Variants in SFRP4 observed in about 807,000 individuals in gnomAD.
SFRP4 encodes secreted frizzled-related protein 4.
In SFRP4, 25 loss-of-function variants were observed where a neutral mutation model predicts 36.3. The ratio of observed to expected loss-of-function variants is 0.69; its 90% CI spans 0.50 to 0.96. The LOEUF (loss-of-function observed/expected upper bound fraction) is 0.96, where lower values mean the gene tolerates loss of function less well. Among genes scored for constraint, SFRP4 ranks in the 40% least tolerant of loss-of-function variants. The pLI, the probability that SFRP4 is intolerant of heterozygous loss-of-function variation, is 0.00. For missense variants in SFRP4, 487 were observed against 459.6 expected (o/e 1.06, Z -0.54); for synonymous variants, 182 against 168.8 (o/e 1.08, Z -0.60).
chr7:37,908,105 T>C (rs1785425939), intron 5 of SFRP4, among the ~76,000 whole-genome samples: 1 of 152,182 alleles, frequency 6.6e-6, no homozygotes, highest in Non-Finnish European at 1.5e-5. Context: ...GCTACTAGCA[T>C]TAGTTTACCC....
intron 5 of SFRP4, among the ~76,000 whole-genome samples, chr7:37,908,360 C>T (rs1175272155): frequency 6.6e-6 from 1 of 152,148 alleles, no homozygotes; most frequent in African/African-American, 2.4e-5. Flanking sequence ...CGCAGATGTG[C>T]CTGCTTGGCT....
At chr7:37,912,361 G>GA in intron 3 of SFRP4, 44 bp from the exon 4 acceptor site, 1 of 1,491,754 alleles carries the variant, frequency 6.7e-7, no homozygotes, top group South Asian at 1.1e-5. Flanking sequence ...AGGTTTTGGG[G>GA]AAAAACTAGG....
At position 37,916,379 on chromosome 7, in the gene SFRP4, G is replaced by C; in HGVS notation, c.159C>G (p.Asn53Lys). ...CGTACTGCTCGATGGCCAGGATGGC[G>C]TTCTCCTGCGTGCTGTGGTGCAGGT... is the stretch of plus-strand genomic sequence containing the variant. ...PNHLHHSTQE[N>K]AILAIEQYEE... is the part of the protein sequence containing the mutation. Residue 53 changes from asparagine (N) to lysine (K), a missense_variant, in exon 1 of 6, where the codon AAC becomes AAG. Transcript: ENST00000436072. The surrounding 1 kb of genome is among the most constrained non-coding windows in gnomAD (Gnocchi z 4.1). 6.2e-7 allele frequency: 1 copy of C among 1,614,186 alleles called. No individual in the cohort carries two copies. The highest frequency in any genetic ancestry group is 8.5e-7 in the Non-Finnish European group (1 of 1,180,022).
At chr7:37,908,226 A>G (rs1259804071) in intron 5 of SFRP4, among the ~76,000 whole-genome samples, 2 of 152,214 alleles carry the variant, frequency 1.3e-5, no homozygotes, top group Non-Finnish European at 2.9e-5. Context: ...ATCCAGAACC[A>G]TTGGGAATTG....
In SFRP4 at chr7:37,916,219, C is replaced by T. The variant is rs1785573488; in HGVS notation, c.319G>A (p.Asp107Asn). ...CKSVCQRARDDCEPLMKMYNH... is the reference protein window; with the variant it reads ...CKSVCQRARDNCEPLMKMYNH... ...TACATCTTCATGAGGGGCTCGCAGT[C>T]GTCGCGCGCGCGTTGGCACACCGAC... is the stretch of plus-strand genomic sequence containing the variant. The change falls in exon 1 of 6, where the codon GAC becomes AAC. Residue 107 changes from aspartate to asparagine, a missense_variant. Physicochemically the swap from Asp to Asn is conservative, Grantham distance 23. Coordinates refer to ENST00000436072, the MANE Select transcript of SFRP4 (RefSeq NM_003014.4). The surrounding 1 kb of genome is among the most constrained non-coding windows in gnomAD (Gnocchi z 4.1). 1 of 1,614,154 alleles carries T rather than the reference C, an allele frequency of 6.2e-7. No individual in the cohort carries two copies. Among genetic ancestry groups the T allele is most frequent in the Non-Finnish European group, 8.5e-7 (1 of 1,180,036 alleles).
At position 37,907,636 on chromosome 7, in the gene SFRP4, C is replaced by T. The variant is rs568754305; in HGVS notation, c.884G>A (p.Arg295Gln). ...IQWEERLQEQRRTVQDKKKTA... is the reference protein window; with the variant it reads ...IQWEERLQEQQRTVQDKKKTA... The stretch of plus-strand genomic sequence containing the variant: ...TTTCTTCTTGTCCTGAACTGTTCTC[C>T]GCTGTTCCTGCAGCCTCTCTTCCCA... The change falls in exon 6 of 6, where the codon CGG becomes CAG. Residue 295 changes from arginine to glutamine, a missense_variant. Coordinates refer to ENST00000436072, the MANE Select transcript of SFRP4 (RefSeq NM_003014.4). The T allele has an allele frequency of 1.7e-5, 27 of 1,612,010 alleles. No individual in the cohort carries two copies. Among genetic ancestry groups the T allele is most frequent in the Middle Eastern group, 3.5e-4 (2 of 5,796 alleles).
chr7:37,914,172 A>C, intron 3 of SFRP4, 41 bp downstream of exon 3: 1 of 1,478,728 alleles, frequency 6.8e-7, no homozygotes, highest in East Asian at 2.3e-5. Context: ...CTTTGTAATG[A>C]ACCAAGTCTC....
Position 37,906,030 on chromosome 7 carries a change from A to T in SFRP4, c.*1449T>A, listed in dbSNP as rs1338270898. 1 of 152,172 alleles carries T rather than the reference A, an allele frequency of 6.6e-6. No homozygotes were observed. Among genetic ancestry groups the T allele is most frequent in the African/African-American group, 2.4e-5 (1 of 41,456 alleles). The allele number at this position is 152,172 out of a possible 1,614,324, so 9.4% of individuals were successfully genotyped here. A position where few individuals can be genotyped will look rare whatever the true frequency, so the allele number is the denominator to read the frequency against. The stretch of plus-strand genomic sequence containing the variant: ...TTGAGTAATGCATACTATGGAATAT[A>T]ACACAGCTGTTAGAAATGAGATGGT... On this transcript the variant is annotated 3_prime_UTR_variant, in exon 6 of 6. Transcript: ENST00000436072.
rs762230320 is a variant in SFRP4, at chr7:37,914,286, AG to A, written c.527-9del. 1 of 1,614,014 alleles carries A rather than the reference AG, an allele frequency of 6.2e-7. No individual in the cohort carries two copies. Among genetic ancestry groups the A allele is most frequent in the Non-Finnish European group, 8.5e-7 (1 of 1,179,824 alleles). Reference sequence around the variant, plus strand: ...TTTTACACTTGCACCGATCTAAAAAAGGCAGAAGAGGCAGAAAGTTGGAAAA... The same window carrying A: ...TTTTACACTTGCACCGATCTAAAAAAGCAGAAGAGGCAGAAAGTTGGAAAA... On this transcript the variant is annotated splice_polypyrimidine_tract_variant and intron_variant, in intron 2 of 5. Transcript: ENST00000436072.
chr7:37,914,203 G>A lies in SFRP4; in HGVS notation c.592+10C>T. The A allele has an allele frequency of 1.9e-6, 3 of 1,610,576 alleles. No individual in the cohort carries two copies. Among genetic ancestry groups the A allele is most frequent in the Non-Finnish European group, 2.5e-6 (3 of 1,176,776 alleles). On this transcript the variant is annotated intron_variant, in intron 3 of 5. Transcript: ENST00000436072. The stretch of plus-strand genomic sequence containing the variant: ...GTCTCAAAAGTAAATGGCTTTAACA[G>A]ACGACTTACCATAGCTGTAGTTTTT...
Position 37,906,653 on chromosome 7 carries a change from A to G in SFRP4, c.*826T>C, listed in dbSNP as rs1184760257. ...GACATACCTCTCTTGTGGGTATAAA[A>G]TACTTGAGCATTAGCCAACTAATTA... On this transcript the variant is annotated 3_prime_UTR_variant, in exon 6 of 6. Coordinates refer to ENST00000436072, the MANE Select transcript of SFRP4 (RefSeq NM_003014.4). The G allele has an allele frequency of 2.0e-5, 3 of 152,162 alleles. No individual in the cohort carries two copies. The highest frequency in any genetic ancestry group is 4.4e-5 in the Non-Finnish European group (3 of 68,006). The allele number at this position is 152,162 out of a possible 1,614,324, so 9.4% of individuals were successfully genotyped here. A position where few individuals can be genotyped will look rare whatever the true frequency, so the allele number is the denominator to read the frequency against.
At chr7:37,915,941 C>T (rs1364754694) in intron 1 of SFRP4, 152 bp downstream of exon 1, 7 of 1,244,578 alleles carry the variant, frequency 5.6e-6, no homozygotes, top group Non-Finnish European at 7.6e-6. Context: ...AGAAACCAGA[C>T]TTTTTCTGAA....
rs1785415707 is a variant in SFRP4, at chr7:37,907,538, G to T, written c.982C>A (p.Pro328Thr). ...GKPPAPKPAS[P>T]KKNIKTRSAQ... ...CTCCTAGTTTTAATGTTCTTCTTGG[G>T]ACTGGCTGGTTTGGGAGCAGGAGGC... Residue 328 changes from proline (P) to threonine (T), a missense_variant, in exon 6 of 6, where the codon CCC becomes ACC. Transcript: ENST00000436072. 1 of 1,613,732 alleles carries T rather than the reference G, an allele frequency of 6.2e-7. No individual in the cohort carries two copies. Among genetic ancestry groups the T allele is most frequent in the South Asian group, 1.1e-5 (1 of 91,050 alleles).
chr7:37,914,314 G>T, intron 2 of SFRP4, 36 bp from the exon 3 acceptor site: 2 of 1,612,574 alleles, frequency 1.2e-6, no homozygotes, highest in Non-Finnish European at 1.7e-6. Flanking sequence ...GTTGGAAAAA[G>T]AACAGAAATC....
At chr7:37,908,700 C>G (rs1411578008) in intron 5 of SFRP4, among the ~76,000 whole-genome samples, 1 of 144,952 alleles carries the variant, frequency 6.9e-6, no homozygotes, top group Non-Finnish European at 1.5e-5. Flanking sequence ...GTCCTGGAAA[C>G]CAGATAACCA....
rs777528525 is a variant in SFRP4 at position 37,907,210 on chromosome 7, G to T, written c.*269C>A. ...CTACTCTTCTAGAGTATGCACACAG[G>T]TTACTCTGAATGCAATGCAATAAGC... is the stretch of plus-strand genomic sequence containing the variant. On this transcript the variant is annotated 3_prime_UTR_variant, in exon 6 of 6. Transcript: ENST00000436072. 5.7e-5 allele frequency: 19 copies of T among 335,580 alleles called. No homozygotes were observed. The highest frequency in any genetic ancestry group is 1.6e-5 in the Non-Finnish European group (3 of 186,214). The allele number at this position is 335,580 out of a possible 1,614,324, so 20.8% of individuals were successfully genotyped here.
Position 37,916,319 on chromosome 7 carries a change from C to G in SFRP4, c.219G>C (p.Leu73=). 1 of 1,614,242 alleles carries G rather than the reference C, an allele frequency of 6.2e-7. No homozygotes were observed. Among genetic ancestry groups the G allele is most frequent in the Non-Finnish European group, 8.5e-7 (1 of 1,180,042 alleles). Residue 73 remains leucine (L), a synonymous_variant, in exon 1 of 6, where the codon CTG becomes CTC. Transcript: ENST00000436072. The surrounding 1 kb of genome is among the most constrained non-coding windows in gnomAD (Gnocchi z 4.1). Reference sequence around the variant, plus strand: ...CGTACATGGCACAGAGGAAGAAGCGCAGCACGGCGCTGCAGTTCACGTCCA... The same window carrying G: ...CGTACATGGCACAGAGGAAGAAGCGGAGCACGGCGCTGCAGTTCACGTCCA... The part of the protein sequence containing the change: ...ELVDVNCSAV[L]RFFLCAMYAP...
At chr7:37,915,209 C>A (rs1200378688) in intron 1 of SFRP4, among the ~76,000 whole-genome samples, 2 of 152,128 alleles carry the variant, frequency 1.3e-5, no homozygotes, top group Admixed American at 6.5e-5. Flanking sequence ...CAAGCATAAC[C>A]CTCTATTATT....
rs1192727541 is a variant in SFRP4, at chr7:37,916,207, G to A, written c.331C>T (p.Leu111Phe). Residue 111 changes from leucine (L) to phenylalanine (F), a missense_variant, in exon 1 of 6, where the codon CTC (leucine) becomes TTC (phenylalanine). Transcript: ENST00000436072. This position sits in a 1 kb window ranked among gnomAD's most constrained non-coding sequence, Gnocchi z 4.1. ...CAGCTGTGGTTGTACATCTTCATGA[G>A]GGGCTCGCAGTCGTCGCGCGCGCGT... Reference protein sequence around the residue: ...CQRARDDCEPLMKMYNHSWPE... With the variant: ...CQRARDDCEPFMKMYNHSWPE... 2 of 1,614,208 alleles carry A rather than the reference G, an allele frequency of 1.2e-6. No individual in the cohort carries two copies. The highest frequency in any genetic ancestry group is 2.2e-5 in the South Asian group (2 of 91,088).
Sources: gnomAD v4.1 joint callset for allele counts (sites outside exome capture counted in the v4.1 genomes callset) on GRCh38, gnomAD v4.1.1 for gene constraint, Gnocchi (gnomAD v3.1) non-coding constraint, MANE v1.5 for transcripts, NCBI Gene and HGNC (gene_info 2026-07-23, HGNC 2026-07-21) for gene names.